Variants in MVB12B observed in about 807,000 individuals in gnomAD.
MVB12B encodes the protein ESCRT-I complex subunit MVB12B.
Under a neutral mutation model 41.6 loss-of-function variants are expected in MVB12B, and 16 were observed. The ratio of observed to expected loss-of-function variants is 0.38; its 90% CI spans 0.26 to 0.58. MVB12B has a LOEUF of 0.58. Ranked by LOEUF, MVB12B falls within the 20% of genes least tolerant of loss-of-function variation. The pLI, the probability that MVB12B is intolerant of heterozygous loss-of-function variation, is 0.62. For missense variants in MVB12B, 274 were observed against 380.2 expected, an observed-to-expected ratio of 0.72 and a Z score of 2.32; for synonymous variants, 133 against 139.7, an observed-to-expected ratio of 0.95 and a Z score of 0.34.
Position 126,503,502 on chromosome 9 carries a change from A to T in MVB12B, c.*239A>T. On this transcript the variant is annotated 3_prime_UTR_variant, in exon 10 of 10. Transcript: ENST00000361171. Reference sequence around the variant, plus strand: ...TGACTAATCTGTGTGTGCTGTAGTGACCAGCGGCTCCTAACGTGTCTGTGT... The same window carrying T: ...TGACTAATCTGTGTGTGCTGTAGTGTCCAGCGGCTCCTAACGTGTCTGTGT... 1 of 558,344 alleles carries T rather than the reference A, an allele frequency of 1.8e-6. No homozygotes were observed. The highest frequency in any genetic ancestry group is 3.2e-6 in the Non-Finnish European group (1 of 313,866). 34.6% of individuals were successfully genotyped at this position (558,344 alleles called of 1,614,324 possible). A position where few individuals can be genotyped will look rare whatever the true frequency, so the allele number is the denominator to read the frequency against.
chr9:126,379,073 G>A (rs1319267279), intron 2 of MVB12B, among the ~76,000 whole-genome samples: 2 of 152,224 alleles, frequency 1.3e-5, no homozygotes, highest in African/African-American at 4.8e-5. Flanking sequence ...AAGGCAGCTT[G>A]TGGTTCCACA....
intron 1 of MVB12B, among the ~76,000 whole-genome samples, chr9:126,337,238 C>G (rs57799147): frequency 2.5e-3 from 384 of 152,226 alleles, no homozygotes; most frequent in African/African-American, 8.9e-3. Flanking sequence ...CGATCCTGCT[C>G]GCACCGTGCC....
chr9:126,503,233 C>G lies in MVB12B; in HGVS notation c.930C>G (p.Pro310=). 6.4e-7 allele frequency: 1 copy of G among 1,550,510 alleles called. No individual in the cohort carries two copies. The highest frequency in any genetic ancestry group is 1.2e-5 in the South Asian group (1 of 84,076). ...CAGCCGCCAGGCTCCCGCCCAGCCC[C>G]ACCAGGTGTCAGCAGATCCCGCAGT... The part of the protein sequence containing the change: ...QSAAARLPPS[P]TRCQQIPQS Residue 310 remains proline, a synonymous_variant, in exon 10 of 10, where the codon CCC becomes CCG. Coordinates refer to ENST00000361171, the MANE Select transcript of MVB12B (RefSeq NM_033446.3).
intron 7 of MVB12B, among the ~76,000 whole-genome samples, 196 bp downstream of exon 7, chr9:126,422,144 C>T (rs1038550110): frequency 1.1e-4 from 17 of 152,194 alleles, no homozygotes; most frequent in African/African-American, 4.1e-4. Flanking sequence ...GGGCCAAATA[C>T]TCAGCATGTT....
intron 2 of MVB12B, among the ~76,000 whole-genome samples, chr9:126,359,135 G>A (rs1829962354): frequency 6.6e-6 from 1 of 151,450 alleles, no homozygotes. Flanking sequence ...TTCCCAGAGT[G>A]CTAGGATTAC....
chr9:126,418,459 T>G (rs575444268), intron 6 of MVB12B, among the ~76,000 whole-genome samples: 2 of 152,218 alleles, frequency 1.3e-5, no homozygotes, highest in African/African-American at 4.8e-5. Flanking sequence ...GAATGAAGTC[T>G]CTGCACAAAG....
At position 126,395,787 on chromosome 9, in the gene MVB12B, A is replaced by G. The variant is rs1206872193; in HGVS notation, c.662+90A>G. Reference sequence around the variant, plus strand: ...ACACCACCACTTAGTGTCTGCTGAAATACTGCAAAGTACAGCTGAATAATT... The same window carrying G: ...ACACCACCACTTAGTGTCTGCTGAAGTACTGCAAAGTACAGCTGAATAATT... On this transcript the variant is annotated intron_variant, in intron 6 of 9. Coordinates refer to ENST00000361171, the MANE Select transcript of MVB12B (RefSeq NM_033446.3). This position sits in a 1 kb window ranked among gnomAD's most constrained non-coding sequence, Gnocchi z 4.9. The G allele has an allele frequency of 6.4e-7, 1 of 1,561,870 alleles. No individual in the cohort carries two copies. The highest frequency in any genetic ancestry group is 1.4e-5 in the African/African-American group (1 of 73,062).
chr9:126,396,747 A>G lies in MVB12B; in HGVS notation c.662+1050A>G, dbSNP rs141480174. 310 of 985,484 alleles carry G rather than the reference A, an allele frequency of 3.1e-4. No individual in the cohort carries two copies. The Middle Eastern group carries it at 7.3e-3, about 23-fold the overall frequency. The allele number at this position is 985,484 out of a possible 1,614,324, so 61.0% of individuals were successfully genotyped here. A position where few individuals can be genotyped will look rare whatever the true frequency, so the allele number is the denominator to read the frequency against. Reference sequence around the variant, plus strand: ...TCTCATGACAGTTTCACAAACCAAGAGTGGTATTTAAACTTAACTACCCCT... The same window carrying G: ...TCTCATGACAGTTTCACAAACCAAGGGTGGTATTTAAACTTAACTACCCCT... On this transcript the variant is annotated intron_variant, in intron 6 of 9. Coordinates refer to ENST00000361171, the MANE Select transcript of MVB12B (RefSeq NM_033446.3).
At chr9:126,390,382 G>T (rs1830913207) in intron 4 of MVB12B, among the ~76,000 whole-genome samples, 1 of 152,180 alleles carries the variant, frequency 6.6e-6, no homozygotes, top group Admixed American at 6.5e-5. Flanking sequence ...AGGTCACAGT[G>T]CCAGGAAATG....
chr9:126,449,738 C>T (rs1484544047), intron 7 of MVB12B, among the ~76,000 whole-genome samples: 1 of 152,170 alleles, frequency 6.6e-6, no homozygotes, highest in Non-Finnish European at 1.5e-5. Flanking sequence ...CCTGACTGGC[C>T]TTACCATGGA....
intron 7 of MVB12B, among the ~76,000 whole-genome samples, chr9:126,428,179 T>G (rs887910567): frequency 6.6e-6 from 1 of 152,142 alleles, no homozygotes; most frequent in Non-Finnish European, 1.5e-5. Context: ...GGGTGAGCCA[T>G]GTAGCTCTGA....
chr9:126,495,119 G>A (rs1273129050), intron 9 of MVB12B, among the ~76,000 whole-genome samples: 1 of 151,738 alleles, frequency 6.6e-6, no homozygotes, highest in Admixed American at 6.6e-5. Flanking sequence ...TTGAGCCCAG[G>A]AGGTCAAGGC....
At chr9:126,336,049 G>T (rs1829265606) in intron 1 of MVB12B, among the ~76,000 whole-genome samples, 1 of 152,262 alleles carries the variant, frequency 6.6e-6, no homozygotes, top group Admixed American at 6.5e-5. Flanking sequence ...CTGGAACGTG[G>T]GCCCACTGCC....
chr9:126,422,113 G>T (rs1375799645), intron 7 of MVB12B, among the ~76,000 whole-genome samples, 165 bp downstream of exon 7: 2 of 152,042 alleles, frequency 1.3e-5, no homozygotes, highest in Admixed American at 1.3e-4. Context: ...TTTCCTTTGT[G>T]TCGCCACAGC....
chr9:126,342,477 G>T (rs776868119), intron 2 of MVB12B, among the ~76,000 whole-genome samples: 6 of 152,202 alleles, frequency 3.9e-5, no homozygotes, highest in Non-Finnish European at 8.8e-5. Context: ...CTAGCTCAGG[G>T]CAGAAGAGCG....
chr9:126,483,024 C>T (rs1283959885), intron 8 of MVB12B, among the ~76,000 whole-genome samples: 1 of 152,256 alleles, frequency 6.6e-6, no homozygotes, highest in Non-Finnish European at 1.5e-5. Flanking sequence ...TCACAGGAAA[C>T]CCCTGCTGGC....
chr9:126,397,206 G>T (rs2119013100), intron 6 of MVB12B: 1 of 985,494 alleles, frequency 1.0e-6, no homozygotes, highest in East Asian at 1.1e-4. Flanking sequence ...TGGTCTAGAA[G>T]GGCCCAGAAA....
intron 7 of MVB12B, among the ~76,000 whole-genome samples, chr9:126,455,661 T>A (rs1426275753): frequency 6.6e-6 from 1 of 151,700 alleles, no homozygotes; most frequent in Non-Finnish European, 1.5e-5. Flanking sequence ...ATTTTTTTGA[T>A]ATTTTATAGA....
intron 1 of MVB12B, among the ~76,000 whole-genome samples, chr9:126,339,375 A>G (rs554704424): frequency 1.4e-4 from 21 of 152,304 alleles, no homozygotes; most frequent in African/African-American, 4.3e-4. Context: ...GTGGAGTTTA[A>G]TTGTTGCAGA....
Sources: allele counts gnomAD v4.1 joint callset (sites outside exome capture counted in the v4.1 genomes callset), GRCh38; gene constraint gnomAD v4.1.1; non-coding constraint Gnocchi (gnomAD v3.1); transcripts MANE v1.5; gene names NCBI Gene and HGNC (gene_info 2026-07-23, HGNC 2026-07-21).